The following ARID1A variants were observed in gnomAD, a reference collection of about 807,000 sequenced individuals.
ARID1A encodes AT-rich interactive domain-containing protein 1A.
ARID1A carries 20 observed loss-of-function variants against 212.6 expected under a neutral mutation model. That is an observed-to-expected ratio of 0.09 (90% CI 0.07 to 0.14). ARID1A has a LOEUF of 0.14. Ranked by LOEUF, ARID1A falls within the 10% of genes least tolerant of loss-of-function variation. The pLI is 1.00. For missense variants in ARID1A, 2,587 were observed against 3,059.0 expected (o/e 0.85, Z 3.64); for synonymous variants, 1,376 against 1,222.1 (o/e 1.13, Z -2.63).
rs2124744220 is a variant in ARID1A, at chr1:26,697,306, G to C, written c.903G>C (p.Ser301=). 7.4e-6 allele frequency: 10 copies of C among 1,347,080 alleles called. No homozygotes were observed. Among genetic ancestry groups the C allele is most frequent in the Non-Finnish European group, 9.5e-6 (10 of 1,055,288 alleles). 83.4% of individuals were successfully genotyped at this position (1,347,080 alleles called of 1,614,324 possible). Residue 301 remains serine, a synonymous_variant, in exon 1 of 20, where the codon TCG becomes TCC. Transcript: ENST00000324856. ...CCACCCTCAACCAACTGCTCACGTC[G>C]CCCAGCTCGGCCCGGGGCTACCAGG... The part of the protein sequence containing the change: ...ATPTLNQLLT[S]PSSARGYQGY...
At chr1:26,768,258 A>G (rs966082232) in intron 11 of ARID1A, among the ~76,000 whole-genome samples, 1 of 152,316 alleles carries the variant, frequency 6.6e-6, no homozygotes, top group South Asian at 2.1e-4. Flanking sequence ...AGCTAGGGAA[A>G]GTCTGTGGGC....
Position 26,696,349 on chromosome 1 carries a change from G to A in ARID1A, c.-55G>A, listed in dbSNP as rs544577091. The A allele has an allele frequency of 2.1e-5, 26 of 1,213,858 alleles. 1 individual carries two copies. The Admixed American group carries it at 4.4e-4, about 21-fold the overall frequency. 75.2% of individuals were successfully genotyped at this position (1,213,858 alleles called of 1,614,324 possible). A position where few individuals can be genotyped will look rare whatever the true frequency, so the allele number is the denominator to read the frequency against. On this transcript the variant is annotated 5_prime_UTR_variant, in exon 1 of 20. Coordinates refer to ENST00000324856, the MANE Select transcript of ARID1A (RefSeq NM_006015.6). The stretch of plus-strand genomic sequence containing the variant: ...CTGGGCCCCGGGGCGGGGTGGGAGG[G>A]GGGGAGAAGACGAAGACAGGGCCGG...
chr1:26,733,183 A>C (rs1197545315), intron 4 of ARID1A, among the ~76,000 whole-genome samples: 1 of 152,068 alleles, frequency 6.6e-6, no homozygotes. Flanking sequence ...ATCCTGGAGC[A>C]ATTCAGCATG....
chr1:26,739,669 T>A (rs1160101575), intron 4 of ARID1A, among the ~76,000 whole-genome samples: 1 of 152,218 alleles, frequency 6.6e-6, no homozygotes, highest in Admixed American at 6.5e-5. Context: ...AGCTGTGGCC[T>A]CAGTGCAGTT....
intron 19 of ARID1A, 125 bp downstream of exon 19, chr1:26,775,832 G>A (rs1364115669): frequency 6.9e-7 from 1 of 1,441,680 alleles, no homozygotes. Context: ...TTCCATGCCA[G>A]TACTTTGCTT....
At chr1:26,730,212 G>A (rs556258510) in intron 2 of ARID1A, among the ~76,000 whole-genome samples, 1 of 152,324 alleles carries the variant, frequency 6.6e-6, no homozygotes, top group Non-Finnish European at 1.5e-5. Flanking sequence ...CATATCATGT[G>A]CCCTGGTGAC....
intron 1 of ARID1A, among the ~76,000 whole-genome samples, chr1:26,715,496 G>T (rs2080494084): frequency 6.6e-6 from 1 of 152,188 alleles, no homozygotes; most frequent in Non-Finnish European, 1.5e-5. Flanking sequence ...GTGGGAGGAA[G>T]TACCTTTTTC....
chr1:26,739,712 G>T (rs1390180446), intron 4 of ARID1A, among the ~76,000 whole-genome samples: 1 of 152,170 alleles, frequency 6.6e-6, no homozygotes, highest in African/African-American at 2.4e-5. Context: ...TGCCCTGCCA[G>T]TACCACCCTG....
At chr1:26,750,447 G>C (rs1006919143) in intron 4 of ARID1A, among the ~76,000 whole-genome samples, 5 of 152,206 alleles carry the variant, frequency 3.3e-5, no homozygotes, top group African/African-American at 4.8e-5. Flanking sequence ...TGTGGCCAGA[G>C]GGTTGAAGCT....
Position 26,749,787 on chromosome 1 carries a change from C to T in ARID1A, c.1921-11069C>T, listed in dbSNP as rs565421926. ...TCTAGCAACAGCTCTTACCAAGTTG[C>T]CAAAACCCATTCGGGGTTGTACTTC... On this transcript the variant is annotated intron_variant, in intron 4 of 19. Coordinates refer to ENST00000324856, the MANE Select transcript of ARID1A (RefSeq NM_006015.6). Among the ~76,000 whole-genome samples the T allele has an allele frequency of 7.9e-5, 12 of 152,338 alleles. No individual in the cohort carries two copies. The East Asian group carries it at 2.3e-3, about 29-fold the overall frequency.
chr1:26,734,546 A>G (rs1347677249), intron 4 of ARID1A, among the ~76,000 whole-genome samples: 2 of 152,150 alleles, frequency 1.3e-5, no homozygotes, highest in Non-Finnish European at 1.5e-5. Flanking sequence ...TTTTCTAAAG[A>G]TTCATCCAAA....
rs756715231 is a variant in ARID1A at position 26,766,313 on chromosome 1, A to G, written c.2825A>G (p.Asn942Ser). The G allele has an allele frequency of 6.2e-7, 1 of 1,614,028 alleles. No homozygotes were observed. The highest frequency in any genetic ancestry group is 2.2e-5 in the East Asian group (1 of 44,886). Residue 942 changes from asparagine (N) to serine (S), a missense_variant, in exon 9 of 20, where the codon AAC becomes AGC. By Grantham distance (46) the Asn-to-Ser change is conservative. Transcript: ENST00000324856. ...ATTAATAGTATGGCTGGCATGATCA[A>G]CCCTCAGGGACCCCCATATTCCATG... ...QGINSMAGMINPQGPPYSMGG... is the reference protein window; with the variant it reads ...QGINSMAGMISPQGPPYSMGG...
intron 1 of ARID1A, among the ~76,000 whole-genome samples, chr1:26,710,217 C>T (rs1407190473): frequency 1.3e-5 from 2 of 149,588 alleles, no homozygotes; most frequent in African/African-American, 4.9e-5. Context: ...GGGTGGATCA[C>T]AAGGTCAAGA....
rs2124118049 is a variant in ARID1A at position 26,774,481 on chromosome 1, T to A, written c.4254T>A (p.Ala1418=). The change falls in exon 18 of 20, where the codon GCT becomes GCA. Residue 1418 remains alanine, a synonymous_variant. Transcript: ENST00000324856. This position sits in a 1 kb window ranked among gnomAD's most constrained non-coding sequence, Gnocchi z 5.6. The stretch of plus-strand genomic sequence containing the variant: ...CCCAGCCTGCCAGCCAGCAACAAGC[T>A]GCCCAGCCTTCCCCTCAGCAAGATG... ...AQPQPASQQQ[A]AQPSPQQDVY... 1 of 1,613,634 alleles carries A rather than the reference T, an allele frequency of 6.2e-7. No homozygotes were observed. The highest frequency in any genetic ancestry group is 8.5e-7 in the Non-Finnish European group (1 of 1,179,728).
At chr1:26,699,955 G>C (rs1259879618) in intron 1 of ARID1A, among the ~76,000 whole-genome samples, 1 of 152,136 alleles carries the variant, frequency 6.6e-6, no homozygotes, top group African/African-American at 2.4e-5. Flanking sequence ...GTCCCTGTTT[G>C]GATGCCTGTC....
Position 26,762,867 on chromosome 1 carries a change from T to C in ARID1A, c.2420-106T>C. 3 of 1,188,854 alleles carry C rather than the reference T, an allele frequency of 2.5e-6. No individual in the cohort carries two copies. In the South Asian group the frequency reaches 5.0e-5, roughly 20 times the overall value. The allele number at this position is 1,188,854 out of a possible 1,614,324, so 73.6% of individuals were successfully genotyped here. A position where few individuals can be genotyped will look rare whatever the true frequency, so the allele number is the denominator to read the frequency against. On this transcript the variant is annotated intron_variant, in intron 7 of 19. Coordinates refer to ENST00000324856, the MANE Select transcript of ARID1A (RefSeq NM_006015.6). ...AAAGGCTACCATGAAGTTGATCTCT[T>C]TCCTAACCAAAATATTGAATGACAT...
rs1485575977 is a variant in ARID1A at position 26,706,259 on chromosome 1, AT to A, written c.1137+8721del. 3.3e-5 allele frequency among the ~76,000 whole-genome samples: 5 copies of A among 152,142 alleles called. No individual in the cohort carries two copies. In the East Asian group the frequency reaches 9.6e-4, roughly 29 times the overall value. ...CTTCCTCCTCCCTTGGCACTGGCAG[AT>A]TCATGATTTTCCATGGCTCATCACT... On this transcript the variant is annotated intron_variant, in intron 1 of 19. Transcript: ENST00000324856.
At position 26,696,550 on chromosome 1, in the gene ARID1A, A is replaced by G. The variant is rs1309266951; in HGVS notation, c.147A>G (p.Glu49=). 2 of 1,207,554 alleles carry G rather than the reference A, an allele frequency of 1.7e-6. No individual in the cohort carries two copies. Among genetic ancestry groups the G allele is most frequent in the African/African-American group, 3.3e-5 (2 of 60,432 alleles). The allele number at this position is 1,207,554 out of a possible 1,614,324, so 74.8% of individuals were successfully genotyped here. ...CGGCGGCAGCGGCCGAGCGCGGGGA[A>G]ATGAAGGCAGCCGCCGGGCAGGAAA... is the stretch of plus-strand genomic sequence containing the variant. The part of the protein sequence containing the change: ...AAAAAAAERG[E]MKAAAGQESE... The change falls in exon 1 of 20, where the codon GAA becomes GAG. Residue 49 remains glutamate, a synonymous_variant. Transcript: ENST00000324856.
chr1:26,775,731 AT>A (rs1261725896), intron 19 of ARID1A, 24 bp downstream of exon 19: 6 of 1,613,948 alleles, frequency 3.7e-6, no homozygotes, highest in Admixed American at 3.3e-5. Context: ...CCTGGGGAAG[AT>A]TGAGAGGGTT....
Sources: gnomAD v4.1 joint callset for allele counts (sites outside exome capture counted in the v4.1 genomes callset) on GRCh38, gnomAD v4.1.1 for gene constraint, Gnocchi (gnomAD v3.1) non-coding constraint, MANE v1.5 for transcripts, NCBI Gene and HGNC (gene_info 2026-07-23, HGNC 2026-07-21) for gene names.